The following CDK5RAP2 variants were observed in gnomAD, a reference collection of about 807,000 sequenced individuals.
The protein encoded by CDK5RAP2 is CDK5 regulatory subunit-associated protein 2.
CDK5RAP2 carries 147 observed loss-of-function variants against 232.9 expected under a neutral mutation model. The observed-to-expected ratio is 0.63, with a 90% CI of 0.55 to 0.72. The LOEUF (loss-of-function observed/expected upper bound fraction) is 0.72. CDK5RAP2 is among the 30% of genes least tolerant of loss of function. CDK5RAP2 has a pLI of 0.00. For synonymous variants in CDK5RAP2, 833 were observed against 833.7 expected (o/e 1.00, Z 0.01); for missense variants, 2,195 against 2,231.5 (o/e 0.98, Z 0.33).
intron 35 of CDK5RAP2, among the ~76,000 whole-genome samples, chr9:120,396,782 T>C (rs1188848215): frequency 6.6e-6 from 1 of 152,232 alleles, no homozygotes; most frequent in Non-Finnish European, 1.5e-5. Flanking sequence ...ATCCAGTACT[T>C]ACAACAGGGA....
At chr9:120,467,221 C>T (rs1206849794) in intron 18 of CDK5RAP2, among the ~76,000 whole-genome samples, 2 of 152,186 alleles carry the variant, frequency 1.3e-5, no homozygotes, top group Non-Finnish European at 2.9e-5. Flanking sequence ...GTGTGTATGT[C>T]AGTTTTTCAA....
intron 24 of CDK5RAP2, among the ~76,000 whole-genome samples, chr9:120,437,971 C>T (rs934553741): frequency 2.6e-5 from 4 of 152,160 alleles, no homozygotes; most frequent in Non-Finnish European, 4.4e-5. Flanking sequence ...AATCATGATG[C>T]TAACTACCAT....
At chr9:120,569,091 T>C (rs1183485103) in intron 2 of CDK5RAP2, among the ~76,000 whole-genome samples, 1 of 152,180 alleles carries the variant, frequency 6.6e-6, no homozygotes, top group Non-Finnish European at 1.5e-5. Context: ...GAGACACTAA[T>C]CCTGCATCCA....
At chr9:120,470,366 G>A in intron 16 of CDK5RAP2, 146 bp from the exon 17 acceptor site, 1 of 556,052 alleles carries the variant, frequency 1.8e-6, no homozygotes. Flanking sequence ...AGTACACAGA[G>A]GGGGCTTAAG....
intron 5 of CDK5RAP2, 116 bp from the exon 6 acceptor site, chr9:120,539,280 G>T: frequency 7.8e-7 from 1 of 1,287,982 alleles, no homozygotes; most frequent in Non-Finnish European, 1.1e-6. Flanking sequence ...CCTGTGCTGA[G>T]CTTCTTTTTC....
intron 18 of CDK5RAP2, among the ~76,000 whole-genome samples, chr9:120,464,066 T>G (rs1459926499): frequency 6.6e-6 from 1 of 152,224 alleles, no homozygotes; most frequent in African/African-American, 2.4e-5. Context: ...CTAATGAAAC[T>G]GCTCAGGTCA....
intron 1 of CDK5RAP2, among the ~76,000 whole-genome samples, chr9:120,577,664 C>A (rs1251252750): frequency 6.6e-6 from 1 of 152,186 alleles, no homozygotes; most frequent in Non-Finnish European, 1.5e-5. Flanking sequence ...GGGTCAGACA[C>A]TGAGCTAAAC....
Position 120,439,952 on chromosome 9 carries a change from C to T in CDK5RAP2, c.3169G>A (p.Asp1057Asn). Reference sequence around the variant, plus strand: ...CATGATGGCAAGCTGGCAAGGTCATCAGGTGGGCAAATCTCAGAGTCTGAA... The same window carrying T: ...CATGATGGCAAGCTGGCAAGGTCATTAGGTGGGCAAATCTCAGAGTCTGAA... ...YEIDSEICPPDDLASLPSCKE... is the reference protein window; with the variant it reads ...YEIDSEICPPNDLASLPSCKE... Residue 1057 changes from aspartate (D) to asparagine (N), a missense_variant, in exon 24 of 38, where the codon GAT becomes AAT. Asp to Asn is a conservative substitution (Grantham distance 23). Coordinates refer to ENST00000349780, the MANE Select transcript of CDK5RAP2 (RefSeq NM_018249.6). 5.0e-6 allele frequency: 8 copies of T among 1,613,958 alleles called. No homozygotes were observed. Among genetic ancestry groups the T allele is most frequent in the Non-Finnish European group, 6.8e-6 (8 of 1,180,002 alleles).
At chr9:120,579,062 T>C (rs538290700) in intron 1 of CDK5RAP2, among the ~76,000 whole-genome samples, 23 of 152,282 alleles carry the variant, frequency 1.5e-4, no homozygotes, top group Non-Finnish European at 2.4e-4. Context: ...GGGCCAGCCG[T>C]GGAGCAGAGT....
intron 19 of CDK5RAP2, among the ~76,000 whole-genome samples, chr9:120,459,348 G>A (rs1373642811): frequency 6.6e-6 from 1 of 152,118 alleles, no homozygotes. Flanking sequence ...ATCCAAAGCT[G>A]TAAATTTCTT....
At chr9:120,445,282 GA>G (rs1169677016) in intron 22 of CDK5RAP2, among the ~76,000 whole-genome samples, 3 of 152,088 alleles carry the variant, frequency 2.0e-5, no homozygotes, top group African/African-American at 7.2e-5. Flanking sequence ...TCTCTTACCT[GA>G]AAATTCCACT....
chr9:120,389,284 A>G lies in CDK5RAP2; in HGVS notation c.5634T>C (p.Pro1878=). 6.2e-7 allele frequency: 1 copy of G among 1,612,464 alleles called. No homozygotes were observed. The highest frequency in any genetic ancestry group is 2.2e-5 in the East Asian group (1 of 44,872). The part of the protein sequence containing the change: ...RKARGNLELR[P]GGAHPGTCSP... ...TGCATGTTCCTGGATGGGCTCCCCC[A>G]GGCCTAAGCTAGGAAAAGGAAGAAA... The change falls in exon 38 of 38, where the codon CCT becomes CCC. Residue 1878 remains proline (P), a synonymous_variant. Coordinates refer to ENST00000349780, the MANE Select transcript of CDK5RAP2 (RefSeq NM_018249.6).
intron 7 of CDK5RAP2, among the ~76,000 whole-genome samples, chr9:120,535,907 C>T (rs2131961105): frequency 6.6e-6 from 1 of 152,312 alleles, no homozygotes; most frequent in Middle Eastern, 3.4e-3. Context: ...ACACGAAATT[C>T]ACTGTTATTT....
At chr9:120,552,169 C>G (rs928283303) in intron 3 of CDK5RAP2, among the ~76,000 whole-genome samples, 8 of 151,950 alleles carry the variant, frequency 5.3e-5, no homozygotes, top group Admixed American at 2.0e-4. Context: ...GTTACAATGG[C>G]AATCATTAAA....
intron 12 of CDK5RAP2, among the ~76,000 whole-genome samples, chr9:120,497,535 AAATT>A (rs1316974543): frequency 6.6e-6 from 1 of 151,176 alleles, no homozygotes; most frequent in African/African-American, 2.4e-5. Context: ...TCTCCCCACA[AAATT>A]AATTATAAAG....
intron 11 of CDK5RAP2, among the ~76,000 whole-genome samples, chr9:120,519,068 G>A (rs545168194): frequency 3.3e-5 from 5 of 151,890 alleles, no homozygotes; most frequent in Admixed American, 6.6e-5. Context: ...CCAGCTACTC[G>A]GGAAGGCTGA....
At chr9:120,396,886 T>C (rs557067188) in intron 35 of CDK5RAP2, among the ~76,000 whole-genome samples, 15 of 152,232 alleles carry the variant, frequency 9.9e-5, no homozygotes, top group Non-Finnish European at 1.9e-4. Context: ...GGGCTCAAAG[T>C]ACAGCTCCAC....
intron 5 of CDK5RAP2, among the ~76,000 whole-genome samples, chr9:120,545,208 G>C (rs951221348): frequency 2.0e-5 from 3 of 152,038 alleles, no homozygotes; most frequent in Non-Finnish European, 2.9e-5. Context: ...ACCCCTTCAA[G>C]TCACCCCAGG....
At chr9:120,514,197 T>C (rs1417196537) in intron 12 of CDK5RAP2, among the ~76,000 whole-genome samples, 1 of 152,210 alleles carries the variant, frequency 6.6e-6, no homozygotes, top group Non-Finnish European at 1.5e-5. Context: ...GTAGTCACGA[T>C]GAGATGCCAG....
Sources: gnomAD v4.1 joint callset for allele counts (sites outside exome capture counted in the v4.1 genomes callset) on GRCh38, gnomAD v4.1.1 for gene constraint, MANE v1.5 for transcripts, NCBI Gene and HGNC (gene_info 2026-07-23, HGNC 2026-07-21) for gene names.